PDZRN4: variants seen among roughly 807,000 people sequenced by gnomAD.
The protein encoded by PDZRN4 is PDZ domain-containing RING finger protein 4.
A neutral mutation model predicts 99.0 loss-of-function variants in PDZRN4; 70 were observed. That is an observed-to-expected ratio of 0.71 (90% CI 0.58 to 0.86). PDZRN4 has a LOEUF of 0.86. PDZRN4 is among the 40% of genes least tolerant of loss of function. The probability of loss-of-function intolerance (pLI) is 0.00; values close to 1 mark genes in which losing one functional copy is unlikely to be tolerated. For missense variants in PDZRN4, 1,474 were observed against 1,331.2 expected (o/e 1.11, Z -1.67); for synonymous variants, 551 against 501.6 (o/e 1.10, Z -1.32).
intron 5 of PDZRN4, among the ~76,000 whole-genome samples, chr12:41,531,328 C>A (rs1399096466): frequency 1.3e-5 from 2 of 152,178 alleles, no homozygotes; most frequent in Non-Finnish European, 2.9e-5. Context: ...CACGTCATTC[C>A]GCCAGTGGAT....
At position 41,347,230 on chromosome 12, in the gene PDZRN4, G is replaced by T. The variant is rs187855938; in HGVS notation, c.843+153042G>T. Reference sequence around the variant, plus strand: ...TAACCCTTTGAAAAACTGCCAAATTGCTTTTCACAGCTCCATCATTTTACA... The same window carrying T: ...TAACCCTTTGAAAAACTGCCAAATTTCTTTTCACAGCTCCATCATTTTACA... On this transcript the variant is annotated intron_variant, in intron 3 of 9. Transcript: ENST00000402685. 3.0e-4 allele frequency among the ~76,000 whole-genome samples: 45 copies of T among 152,166 alleles called. No individual in the cohort carries two copies. In the East Asian group the frequency reaches 7.0e-3, roughly 24 times the overall value.
At chr12:41,310,213 G>A (rs1217093372) in intron 3 of PDZRN4, among the ~76,000 whole-genome samples, 1 of 152,100 alleles carries the variant, frequency 6.6e-6, no homozygotes, top group Non-Finnish European at 1.5e-5. Flanking sequence ...GATTACAGGT[G>A]TGAGCCACCG....
intron 7 of PDZRN4, among the ~76,000 whole-genome samples, chr12:41,559,568 C>T (rs74446453): frequency 6.6e-6 from 1 of 151,950 alleles, no homozygotes; most frequent in Non-Finnish European, 1.5e-5. Context: ...TCCATGTAAG[C>T]CTCCTAATCT....
rs77367431 is a variant in PDZRN4, at chr12:41,566,121, G to A, written c.1468-1662G>A. Among the ~76,000 whole-genome samples the A allele has an allele frequency of 7.3e-3, 1,110 of 152,210 alleles. 16 individuals are homozygous for A. Among genetic ancestry groups the A allele is most frequent in the African/African-American group, 0.026 (1,073 of 41,550 alleles). On this transcript the variant is annotated intron_variant, in intron 8 of 9. Transcript: ENST00000402685. ...AGCCTTATCAAAATAGACATATAATGACTATGGCTGGCAACTCAGGAATCT... is the reference window on the plus strand; with the variant it reads ...AGCCTTATCAAAATAGACATATAATAACTATGGCTGGCAACTCAGGAATCT...
intron 5 of PDZRN4, among the ~76,000 whole-genome samples, chr12:41,547,018 T>C (rs1938965001): frequency 6.6e-6 from 1 of 152,184 alleles, no homozygotes; most frequent in African/African-American, 2.4e-5. Flanking sequence ...ACCTAATAAA[T>C]GATCATTTTA....
chr12:41,521,937 TA>T (rs1479611581), intron 5 of PDZRN4, among the ~76,000 whole-genome samples: 3 of 152,082 alleles, frequency 2.0e-5, no homozygotes, highest in Admixed American at 2.0e-4. Context: ...CTAAGACTCC[TA>T]AATAGCCGTT....
At chr12:41,247,872 T>C (rs1204885533) in intron 3 of PDZRN4, among the ~76,000 whole-genome samples, 1 of 152,242 alleles carries the variant, frequency 6.6e-6, no homozygotes, top group Non-Finnish European at 1.5e-5. Flanking sequence ...TAGAAGATCC[T>C]GATTTAAGTT....
At chr12:41,253,095 T>C (rs1010337654) in intron 3 of PDZRN4, among the ~76,000 whole-genome samples, 4 of 152,166 alleles carry the variant, frequency 2.6e-5, no homozygotes, top group Non-Finnish European at 2.9e-5. Context: ...GAGATAAAAC[T>C]GTAGAAATCC....
At chr12:41,413,383 G>T (rs958452220) in intron 3 of PDZRN4, among the ~76,000 whole-genome samples, 8 of 152,102 alleles carry the variant, frequency 5.3e-5, no homozygotes, top group South Asian at 2.1e-4. Flanking sequence ...AGAAACAGGG[G>T]ATAGGGAGGG....
chr12:41,199,718 T>A (rs564756062), intron 3 of PDZRN4, among the ~76,000 whole-genome samples: 2 of 152,238 alleles, frequency 1.3e-5, no homozygotes, highest in African/African-American at 4.8e-5. Context: ...TTGCGCAACA[T>A]AGATGGAACT....
intron 3 of PDZRN4, among the ~76,000 whole-genome samples, chr12:41,300,034 T>C (rs1245966618): frequency 1.3e-5 from 2 of 151,942 alleles, no homozygotes; most frequent in Non-Finnish European, 2.9e-5. Context: ...AGATAAATCT[T>C]ACAATATTTA....
At chr12:41,417,204 G>GT (rs1181011068) in intron 3 of PDZRN4, among the ~76,000 whole-genome samples, 1 of 152,106 alleles carries the variant, frequency 6.6e-6, no homozygotes, top group Non-Finnish European at 1.5e-5. Context: ...TTTTGGAAAT[G>GT]TTTTTTAAAA....
At chr12:41,237,372 C>T (rs1198314592) in intron 3 of PDZRN4, among the ~76,000 whole-genome samples, 1 of 151,940 alleles carries the variant, frequency 6.6e-6, no homozygotes, top group Non-Finnish European at 1.5e-5. Flanking sequence ...GTAGCAAACA[C>T]CTTTATGGAT....
In PDZRN4 at chr12:41,572,525, G is replaced by C; in HGVS notation, c.1746G>C (p.Leu582Phe). Residue 582 changes from leucine to phenylalanine, a missense_variant, in exon 10 of 10, where the codon TTG becomes TTC. Coordinates refer to ENST00000402685, the MANE Select transcript of PDZRN4 (RefSeq NM_001164595.2). Reference sequence around the variant, plus strand: ...CCGAGGACCCCAATAGCACATCTTTGAAGAGCAAGAGAGACCTGGGGCAGA... The same window carrying C: ...CCGAGGACCCCAATAGCACATCTTTCAAGAGCAAGAGAGACCTGGGGCAGA... ...NAAEDPNSTSLKSKRDLGQSQ... is the reference protein window; with the variant it reads ...NAAEDPNSTSFKSKRDLGQSQ... The C allele has an allele frequency of 1.9e-6, 3 of 1,614,118 alleles. No individual in the cohort carries two copies. The highest frequency in any genetic ancestry group is 2.5e-6 in the Non-Finnish European group (3 of 1,180,022).
At chr12:41,492,854 A>C (rs908661311) in intron 3 of PDZRN4, among the ~76,000 whole-genome samples, 2 of 152,142 alleles carry the variant, frequency 1.3e-5, no homozygotes, top group African/African-American at 4.8e-5. Flanking sequence ...ATCCTCTCTA[A>C]ATCAACAAAA....
intron 5 of PDZRN4, among the ~76,000 whole-genome samples, chr12:41,514,100 G>A (rs937911318): frequency 6.6e-6 from 1 of 151,988 alleles, no homozygotes; most frequent in Non-Finnish European, 1.5e-5. Context: ...AAAAAATTTA[G>A]AACTTTGCTT....
chr12:41,529,217 G>A (rs538229026), intron 5 of PDZRN4, among the ~76,000 whole-genome samples: 4 of 95,070 alleles, frequency 4.2e-5, no homozygotes, highest in African/African-American at 1.9e-4. Flanking sequence ...GCATGTGCAC[G>A]TGTGTGTGTG....
intron 3 of PDZRN4, among the ~76,000 whole-genome samples, chr12:41,221,451 A>G (rs147634142): frequency 1.3e-3 from 200 of 152,272 alleles, no homozygotes; most frequent in Middle Eastern, 3.4e-3. Flanking sequence ...AGAGCATTAT[A>G]TGGAAGCTAG....
At chr12:41,473,425 G>A (rs962905730) in intron 3 of PDZRN4, 3 of 152,092 alleles carry the variant, frequency 2.0e-5, no homozygotes, top group Non-Finnish European at 4.4e-5. Context: ...CAGGTGCTGG[G>A]GTTCCAAGAG....
Sources: gnomAD v4.1 joint callset for allele counts (sites outside exome capture counted in the v4.1 genomes callset) on GRCh38, gnomAD v4.1.1 for gene constraint, MANE v1.5 for transcripts, NCBI Gene and HGNC (gene_info 2026-07-23, HGNC 2026-07-21) for gene names.